RGL1: variants seen among roughly 807,000 people sequenced by gnomAD.
The protein encoded by RGL1 is ral guanine nucleotide dissociation stimulator-like 1.
A neutral mutation model predicts 95.2 loss-of-function variants in RGL1; 24 were observed. The ratio of observed to expected loss-of-function variants is 0.25; its 90% CI spans 0.18 to 0.35. The LOEUF (loss-of-function observed/expected upper bound fraction) is 0.35, where lower values mean the gene tolerates loss of function less well. RGL1 is among the 10% of genes least tolerant of loss of function. RGL1 has a pLI of 1.00. For missense variants in RGL1, 715 were observed against 936.3 expected, an observed-to-expected ratio of 0.76 and a Z score of 3.08; for synonymous variants, 329 against 344.9, an observed-to-expected ratio of 0.95 and a Z score of 0.51.
intron 1 of RGL1, chr1:183,648,452 G>A (rs1650476521): frequency 6.2e-7 from 1 of 1,614,196 alleles, no homozygotes; most frequent in African/African-American, 1.3e-5. Context: ...TGTCATTATT[G>A]TATATGGCTG....
chr1:183,823,834 A>C (rs1662663181), intron 2 of RGL1, among the ~76,000 whole-genome samples: 1 of 152,120 alleles, frequency 6.6e-6, no homozygotes, highest in African/African-American at 2.4e-5. Flanking sequence ...CTGTCACACA[A>C]GCTGGAGTGC....
chr1:183,923,615 C>T (rs547601768), intron 17 of RGL1, among the ~76,000 whole-genome samples: 3 of 152,270 alleles, frequency 2.0e-5, no homozygotes, highest in African/African-American at 7.2e-5. Flanking sequence ...TGCTGGACCC[C>T]CGGGCCTTGG....
At chr1:183,648,852 A>G in intron 1 of RGL1, 2 of 1,260,194 alleles carry the variant, frequency 1.6e-6, no homozygotes, top group African/African-American at 1.5e-5. Flanking sequence ...CCAGCGCAGG[A>G]AAAACTGAAG....
intron 1 of RGL1, chr1:183,647,044 A>G (rs1650340331): frequency 6.6e-6 from 1 of 152,296 alleles, no homozygotes; most frequent in East Asian, 1.9e-4. Context: ...GTATCATCTT[A>G]CCTCTATCAT....
chr1:183,850,922 A>C (rs1664790465), intron 3 of RGL1, among the ~76,000 whole-genome samples: 2 of 152,198 alleles, frequency 1.3e-5, no homozygotes, highest in African/African-American at 4.8e-5. Context: ...AGATATCCAC[A>C]GTCAATAAAG....
intron 1 of RGL1, among the ~76,000 whole-genome samples, chr1:183,657,262 G>C (rs1181587081): frequency 6.6e-6 from 1 of 152,016 alleles, no homozygotes; most frequent in African/African-American, 2.4e-5. Flanking sequence ...ATGTTTTACA[G>C]TTTTCAGTGT....
intron 1 of RGL1, among the ~76,000 whole-genome samples, chr1:183,712,915 A>G (rs1371740203): frequency 6.6e-6 from 1 of 152,230 alleles, no homozygotes; most frequent in Non-Finnish European, 1.5e-5. Context: ...GAGCAAATCA[A>G]CTGTGAGGAG....
At chr1:183,672,700 AC>A (rs1246420738) in intron 1 of RGL1, among the ~76,000 whole-genome samples, 1 of 152,184 alleles carries the variant, frequency 6.6e-6, no homozygotes, top group Non-Finnish European at 1.5e-5. Context: ...GTTCTTATAG[AC>A]TATAACAAAC....
intron 3 of RGL1, among the ~76,000 whole-genome samples, chr1:183,855,961 G>T (rs1275786110): frequency 2.0e-5 from 3 of 152,088 alleles, no homozygotes; most frequent in Non-Finnish European, 2.9e-5. Flanking sequence ...AGCAGAGAGG[G>T]TCACTCATTA....
chr1:183,645,332 G>A (rs77259540), intron 1 of RGL1, among the ~76,000 whole-genome samples: 1 of 152,216 alleles, frequency 6.6e-6, no homozygotes, highest in Admixed American at 6.5e-5. Flanking sequence ...TACTTACTAA[G>A]TAGGTAGTTG....
intron 2 of RGL1, among the ~76,000 whole-genome samples, chr1:183,839,869 T>C (rs1178778691): frequency 6.6e-6 from 1 of 152,168 alleles, no homozygotes; most frequent in Non-Finnish European, 1.5e-5. Context: ...TCGGTAACTC[T>C]CCTATAACAA....
chr1:183,865,042 C>A (rs2102590965), intron 3 of RGL1, among the ~76,000 whole-genome samples: 1 of 152,194 alleles, frequency 6.6e-6, no homozygotes, highest in East Asian at 1.9e-4. Context: ...TTGTGAAACC[C>A]CAAGGAATCT....
chr1:183,702,383 T>C (rs774179824), intron 1 of RGL1, among the ~76,000 whole-genome samples: 1 of 152,222 alleles, frequency 6.6e-6, no homozygotes, highest in Non-Finnish European at 1.5e-5. Flanking sequence ...TAGTAGAATA[T>C]GTATTCCTTC....
At chr1:183,766,885 C>A (rs1443917750) in intron 2 of RGL1, among the ~76,000 whole-genome samples, 2 of 151,862 alleles carry the variant, frequency 1.3e-5, no homozygotes, top group African/African-American at 4.8e-5. Flanking sequence ...AACCAAATGG[C>A]TATCCATAGA....
At chr1:183,762,217 C>G (rs533161388) in intron 2 of RGL1, among the ~76,000 whole-genome samples, 1 of 152,354 alleles carries the variant, frequency 6.6e-6, no homozygotes, top group African/African-American at 2.4e-5. Context: ...TGGCCTGTCT[C>G]AGCTTTTGAC....
chr1:183,783,319 C>CAT (rs1221998712), intron 2 of RGL1, among the ~76,000 whole-genome samples: 1 of 152,212 alleles, frequency 6.6e-6, no homozygotes, highest in African/African-American at 2.4e-5. Flanking sequence ...CACACACATA[C>CAT]ATATATATAA....
At chr1:183,738,383 T>C (rs1228206038) in intron 1 of RGL1, among the ~76,000 whole-genome samples, 1 of 151,538 alleles carries the variant, frequency 6.6e-6, no homozygotes, top group East Asian at 1.9e-4. Flanking sequence ...ATCACGCCAC[T>C]GCATTCCAGC....
At chr1:183,857,155 A>G (rs1380112324) in intron 3 of RGL1, among the ~76,000 whole-genome samples, 2 of 152,182 alleles carry the variant, frequency 1.3e-5, no homozygotes, top group African/African-American at 4.8e-5. Flanking sequence ...CAGAAGACAG[A>G]GAAAGAGATA....
chr1:183,864,832 A>G (rs966171162), intron 3 of RGL1, among the ~76,000 whole-genome samples: 12 of 152,210 alleles, frequency 7.9e-5, no homozygotes, highest in Non-Finnish European at 1.6e-4. Flanking sequence ...GGATGGGATG[A>G]TAGGGACACC....
Sources: gnomAD v4.1 joint callset for allele counts (sites outside exome capture counted in the v4.1 genomes callset) on GRCh38, gnomAD v4.1.1 for gene constraint, MANE v1.5 for transcripts, NCBI Gene and HGNC (gene_info 2026-07-23, HGNC 2026-07-21) for gene names.